Variants in RELL1 observed in about 807,000 individuals in gnomAD.
RELL1 encodes RELT like 1.
Under a neutral mutation model 23.0 loss-of-function variants are expected in RELL1, and 10 were observed. That is an observed-to-expected ratio of 0.43 (90% confidence interval 0.27 to 0.74). RELL1 has a LOEUF of 0.74. Among genes scored for constraint, RELL1 ranks in the 30% least tolerant of loss-of-function variants. The pLI is 0.19. For missense variants in RELL1, 315 were observed against 364.4 expected, an observed-to-expected ratio of 0.86 and a Z score of 1.10; for synonymous variants, 146 against 146.8, an observed-to-expected ratio of 0.99 and a Z score of 0.04.
At chr4:37,622,768 T>C in intron 6 of RELL1, 1 of 450,638 alleles carries the variant, frequency 2.2e-6, no homozygotes, top group Non-Finnish European at 4.4e-6. Context: ...CACAGCAAAC[T>C]GCCTGGCACA....
intron 1 of RELL1, among the ~76,000 whole-genome samples, chr4:37,653,642 A>T (rs1157921019): frequency 6.7e-6 from 1 of 149,978 alleles, no homozygotes; most frequent in East Asian, 1.9e-4. Flanking sequence ...TACTGCTTCT[A>T]CTGAGAGGTG....
chr4:37,669,635 T>C (rs1020050865), intron 1 of RELL1, among the ~76,000 whole-genome samples: 6 of 152,170 alleles, frequency 3.9e-5, no homozygotes, highest in Non-Finnish European at 8.8e-5. Context: ...ATGGTTGCCG[T>C]GTCTGTGTAG....
chr4:37,681,824 GCTTC>G (rs1722238981), intron 1 of RELL1, among the ~76,000 whole-genome samples: 1 of 151,912 alleles, frequency 6.6e-6, no homozygotes, highest in Non-Finnish European at 1.5e-5. Flanking sequence ...ACTGCACCCG[GCTTC>G]CTTCTGATTT....
Position 37,598,191 on chromosome 4 carries a change from C to G in RELL1, c.*4-6974G>C, listed in dbSNP as rs79360221. ...TGGCTGCAAATGACAGAAACCCAAA[C>G]TAGATAACAAAAGAATTTCCTTGAA... On this transcript the variant is annotated intron_variant, in intron 6 of 6. Coordinates refer to the RELL1 transcript ENST00000314117. Among the ~76,000 whole-genome samples, 25 of 96,578 alleles carry G rather than the reference C, an allele frequency of 2.6e-4. No individual in the cohort carries two copies. In the East Asian group the frequency reaches 8.0e-3, roughly 31 times the overall value. The allele number at this position is 96,578 out of a possible 152,430, so 63.4% of individuals were successfully genotyped here.
intron 1 of RELL1, among the ~76,000 whole-genome samples, chr4:37,652,100 T>C (rs1174052862): frequency 6.6e-6 from 1 of 152,148 alleles, no homozygotes; most frequent in Non-Finnish European, 1.5e-5. Flanking sequence ...GGGGACAATA[T>C]GCCTGGTATG....
chr4:37,670,848 A>G (rs1416455270), intron 1 of RELL1, among the ~76,000 whole-genome samples: 1 of 152,202 alleles, frequency 6.6e-6, no homozygotes, highest in Non-Finnish European at 1.5e-5. Context: ...CTGGGATAAT[A>G]GGCATGAGCC....
chr4:37,668,632 C>T (rs1209564794), intron 1 of RELL1, among the ~76,000 whole-genome samples: 3 of 152,054 alleles, frequency 2.0e-5, no homozygotes, highest in Admixed American at 6.5e-5. Context: ...TCTGCCCGGC[C>T]GCCACCCCGT....
At chr4:37,635,377 G>A (rs1277554971) in intron 4 of RELL1, among the ~76,000 whole-genome samples, 1 of 152,138 alleles carries the variant, frequency 6.6e-6, no homozygotes, top group African/African-American at 2.4e-5. Context: ...TATAATCCCA[G>A]CATTTTGAGA....
intron 1 of RELL1, among the ~76,000 whole-genome samples, chr4:37,674,211 T>G (rs112046613): frequency 2.3e-4 from 35 of 152,360 alleles, no homozygotes; most frequent in African/African-American, 8.2e-4. Context: ...CAATCACAAG[T>G]TTGTGGAGAA....
intron 5 of RELL1, among the ~76,000 whole-genome samples, chr4:37,633,912 T>C (rs1206464782): frequency 6.6e-6 from 1 of 152,180 alleles, no homozygotes; most frequent in Non-Finnish European, 1.5e-5. Flanking sequence ...CAGGTTACTC[T>C]TCCCAGGGGG....
chr4:37,636,378 G>A (rs1464048169), intron 4 of RELL1, among the ~76,000 whole-genome samples: 1 of 152,092 alleles, frequency 6.6e-6, no homozygotes, highest in African/African-American at 2.4e-5. Flanking sequence ...GGCAGATCAC[G>A]AGGTCAGGAG....
chr4:37,641,558 C>T (rs1720531835), intron 3 of RELL1, among the ~76,000 whole-genome samples: 1 of 152,230 alleles, frequency 6.6e-6, no homozygotes, highest in Non-Finnish European at 1.5e-5. Flanking sequence ...GTCAACTACA[C>T]TTCCTTTCCC....
chr4:37,638,394 T>C lies in RELL1; in HGVS notation c.443+53A>G. ...AGAGCATTTCAGATGGCGCCATATC[T>C]GAGCAAGTAACTGAAAAGATGTCGC... On this transcript the variant is annotated intron_variant, in intron 4 of 6. Transcript: ENST00000454158. The C allele has an allele frequency of 2.2e-6, 3 of 1,394,624 alleles. No homozygotes were observed. The South Asian group carries it at 3.6e-5, about 17-fold the overall frequency. The allele number at this position is 1,394,624 out of a possible 1,614,324, so 86.4% of individuals were successfully genotyped here.
intron 6 of RELL1, among the ~76,000 whole-genome samples, chr4:37,604,798 G>GACACAC (rs368655689): frequency 4.3e-5 from 5 of 116,432 alleles, no homozygotes; most frequent in East Asian, 2.7e-4. Context: ...CACACACACA[G>GACACAC]ACACACACAC....
intron 6 of RELL1, among the ~76,000 whole-genome samples, chr4:37,605,566 A>T: frequency 6.6e-6 from 1 of 151,910 alleles, no homozygotes; most frequent in Non-Finnish European, 1.5e-5. Context: ...ACATGGTGAA[A>T]CCCTGTCTCT....
downstream of RELL1, among the ~76,000 whole-genome samples, chr4:37,589,766 G>A (rs1718503355): frequency 6.6e-6 from 1 of 152,038 alleles, no homozygotes; most frequent in Admixed American, 6.6e-5. Context: ...CGAGTAGCTG[G>A]GATTACAGGT....
intron 4 of RELL1, among the ~76,000 whole-genome samples, chr4:37,636,758 G>A (rs1440024285): frequency 6.6e-6 from 1 of 152,126 alleles, no homozygotes; most frequent in Non-Finnish European, 1.5e-5. Flanking sequence ...TGAGGGTGGC[G>A]TGGCACCCAC....
chr4:37,619,880 T>C (rs1190359925), intron 6 of RELL1, among the ~76,000 whole-genome samples: 2 of 152,152 alleles, frequency 1.3e-5, no homozygotes, highest in African/African-American at 4.8e-5. Flanking sequence ...TGGATGTGAG[T>C]TATATGGTCA....
intron 1 of RELL1, among the ~76,000 whole-genome samples, chr4:37,657,859 C>T (rs922378356): frequency 2.0e-5 from 3 of 152,054 alleles, no homozygotes; most frequent in African/African-American, 7.2e-5. Context: ...CTGCAGTGGG[C>T]CATGATTGTG....
Sources: allele counts gnomAD v4.1 joint callset (sites outside exome capture counted in the v4.1 genomes callset), GRCh38; gene constraint gnomAD v4.1.1; transcripts MANE v1.5; gene names NCBI Gene and HGNC (gene_info 2026-07-23, HGNC 2026-07-21).